WNT5B: variants seen among roughly 807,000 people sequenced by gnomAD.
The protein encoded by WNT5B is Wnt family member 5B.
A neutral mutation model predicts 36.5 loss-of-function variants in WNT5B; 18 were observed. The observed-to-expected ratio is 0.49, with a 90% CI of 0.34 to 0.73. WNT5B has a LOEUF of 0.73. Ranked by LOEUF, WNT5B falls within the 30% of genes least tolerant of loss-of-function variation. WNT5B has a pLI of 0.01. For synonymous variants in WNT5B, 213 were observed against 212.3 expected (o/e 1.00, Z -0.03); for missense variants, 424 against 508.4 (o/e 0.83, Z 1.60).
At chr12:1,625,400 G>A (rs1183317580), upstream of WNT5B, among the ~76,000 whole-genome samples, 1 of 152,096 alleles carries the variant, frequency 6.6e-6, no homozygotes, top group African/African-American at 2.4e-5. Context: ...TTGTGCTGAG[G>A]TCCATAAACA....
chr12:1,633,016 G>T lies in WNT5B; in HGVS notation c.328+111G>T. ...GGAGAGCCCAAAGGCAGCCTAAGTG[G>T]GCTCTCTCTAGGCTTGGCAGCAGTG... On this transcript the variant is annotated intron_variant, in intron 3 of 4. Transcript: ENST00000397196. This position sits in a 1 kb window ranked among gnomAD's most constrained non-coding sequence, Gnocchi z 4.8. 1 of 1,472,032 alleles carries T rather than the reference G, an allele frequency of 6.8e-7. No individual in the cohort carries two copies. The highest frequency in any genetic ancestry group is 9.0e-7 in the Non-Finnish European group (1 of 1,105,170). The allele number at this position is 1,472,032 out of a possible 1,614,324, so 91.2% of individuals were successfully genotyped here.
chr12:1,643,522 C>G (rs141524510), intron 4 of WNT5B, among the ~76,000 whole-genome samples: 1 of 152,008 alleles, frequency 6.6e-6, no homozygotes, highest in South Asian at 2.1e-4. Flanking sequence ...TGTGCCACCA[C>G]GCCTGGGCTA....
chr12:1,645,425 A>T (rs1316240030), intron 4 of WNT5B, among the ~76,000 whole-genome samples: 1 of 152,030 alleles, frequency 6.6e-6, no homozygotes, highest in Non-Finnish European at 1.5e-5. Context: ...GTTATTATTT[A>T]TTTGTTTGAG....
upstream of WNT5B, among the ~76,000 whole-genome samples, chr12:1,624,792 A>C (rs1237478709): frequency 1.3e-5 from 2 of 152,144 alleles, no homozygotes; most frequent in Non-Finnish European, 2.9e-5. Context: ...TCTACTAGAG[A>C]AGTAAGAAGT....
chr12:1,635,725 C>T (rs1397204888), intron 3 of WNT5B, among the ~76,000 whole-genome samples: 2 of 152,216 alleles, frequency 1.3e-5, no homozygotes, highest in East Asian at 1.9e-4. Context: ...GGGCCCAGAC[C>T]CTCCTCCCTG....
intron 4 of WNT5B, among the ~76,000 whole-genome samples, chr12:1,640,446 C>CA (rs2094572903): frequency 6.6e-6 from 1 of 152,148 alleles, no homozygotes; most frequent in Admixed American, 6.5e-5. Flanking sequence ...AGAACCCAGT[C>CA]AAAAAACACA....
chr12:1,644,029 A>G lies in WNT5B; in HGVS notation c.622-1765A>G, dbSNP rs2094580791. Among the ~76,000 whole-genome samples the G allele has an allele frequency of 1.3e-5, 2 of 151,992 alleles. No individual in the cohort carries two copies. The highest frequency in any genetic ancestry group is 4.1e-4 in the South Asian group (2 of 4,822). On this transcript the variant is annotated intron_variant, in intron 4 of 4. Transcript: ENST00000397196. This position sits in a 1 kb window ranked among gnomAD's most constrained non-coding sequence, Gnocchi z 5.1. The stretch of plus-strand genomic sequence containing the variant: ...GTCTGAGTGTTTGCCCCTGCAAGAG[A>G]TGCTTATCCGTGCTCCGAGTTGCTA...
upstream of WNT5B, among the ~76,000 whole-genome samples, chr12:1,625,820 C>T (rs143441633): frequency 0.032 from 4,927 of 151,942 alleles, 149 homozygotes; most frequent in Admixed American, 0.088. Flanking sequence ...CCCATCACCA[C>T]GCCCAGCTAA....
At chr12:1,623,044 G>A (rs1298369174) in intron 1 of WNT5B, among the ~76,000 whole-genome samples, 1 of 152,082 alleles carries the variant, frequency 6.6e-6, no homozygotes, top group Non-Finnish European at 1.5e-5. Context: ...GGTATCAGGA[G>A]TTTGGGGTTC....
At chr12:1,622,950 C>A (rs115151929) in intron 1 of WNT5B, among the ~76,000 whole-genome samples, 2,002 of 152,204 alleles carry the variant, frequency 0.013, 42 homozygotes, top group African/African-American at 0.044. Flanking sequence ...GACAAAGGAG[C>A]TTGCTCTGCA....
chr12:1,619,776 G>T (rs2094531392), intron 1 of WNT5B, among the ~76,000 whole-genome samples: 1 of 152,098 alleles, frequency 6.6e-6, no homozygotes, highest in Admixed American at 6.5e-5. Flanking sequence ...CGTTGATCCA[G>T]GCCTGGCACT....
chr12:1,637,969 C>T (rs1433787256), intron 3 of WNT5B, among the ~76,000 whole-genome samples: 1 of 152,118 alleles, frequency 6.6e-6, no homozygotes, highest in Non-Finnish European at 1.5e-5. Context: ...GCAACACCGG[C>T]CAGGCACGGT....
chr12:1,624,458 G>A (rs1438536921), upstream of WNT5B, among the ~76,000 whole-genome samples: 8 of 151,612 alleles, frequency 5.3e-5, no homozygotes, highest in African/African-American at 1.9e-4. Flanking sequence ...ATTTGGGGAA[G>A]AGTAGAAAGA....
chr12:1,625,138 G>A (rs192024948), upstream of WNT5B, among the ~76,000 whole-genome samples: 4 of 152,148 alleles, frequency 2.6e-5, no homozygotes, highest in Non-Finnish European at 4.4e-5. Context: ...GGGAAATTCA[G>A]GAAAACAATG....
At chr12:1,625,567 C>G (rs1283963655), upstream of WNT5B, among the ~76,000 whole-genome samples, 1 of 152,210 alleles carries the variant, frequency 6.6e-6, no homozygotes, top group Non-Finnish European at 1.5e-5. Context: ...GCCAGGAGTT[C>G]ACAAAGGGAA....
At chr12:1,625,704 C>T (rs2094539991), upstream of WNT5B, among the ~76,000 whole-genome samples, 1 of 152,168 alleles carries the variant, frequency 6.6e-6, no homozygotes, top group African/African-American at 2.4e-5. Flanking sequence ...CACTTTGTCA[C>T]ACAGGCTGGA....
At chr12:1,620,533 C>A (rs887118559) in intron 1 of WNT5B, among the ~76,000 whole-genome samples, 6 of 150,366 alleles carry the variant, frequency 4.0e-5, no homozygotes, top group Non-Finnish European at 4.4e-5. Context: ...TGCTGCTATT[C>A]TTTTGTTGTT....
intron 3 of WNT5B, among the ~76,000 whole-genome samples, chr12:1,635,293 A>T (rs1208468986): frequency 6.6e-6 from 1 of 152,258 alleles, no homozygotes; most frequent in Non-Finnish European, 1.5e-5. Flanking sequence ...TTAGAAGGCA[A>T]TTCTGAGAAG....
At chr12:1,625,008 C>A (rs2094539182), upstream of WNT5B, among the ~76,000 whole-genome samples, 1 of 151,932 alleles carries the variant, frequency 6.6e-6, no homozygotes. Flanking sequence ...AGTTTAATAT[C>A]TGGATTGCTG....
Sources: gnomAD v4.1 joint callset for allele counts (sites outside exome capture counted in the v4.1 genomes callset) on GRCh38, gnomAD v4.1.1 for gene constraint, Gnocchi (gnomAD v3.1) non-coding constraint, MANE v1.5 for transcripts, NCBI Gene and HGNC (gene_info 2026-07-23, HGNC 2026-07-21) for gene names.